MGST1: variants seen among roughly 807,000 people sequenced by gnomAD.
MGST1 encodes the protein microsomal glutathione S-transferase 1.
Under a neutral mutation model 8.9 loss-of-function variants are expected in MGST1, and 5 were observed. That is an observed-to-expected ratio of 0.56 (90% CI 0.29 to 1.19). The LOEUF (loss-of-function observed/expected upper bound fraction) is 1.19. MGST1 is among the 50% of genes most tolerant of loss of function. The pLI, the probability that MGST1 is intolerant of heterozygous loss-of-function variation, is 0.08. For synonymous variants in MGST1, 54 were observed against 67.8 expected (o/e 0.80, Z 1.00); for missense variants, 182 against 187.4 (o/e 0.97, Z 0.17).
intron 1 of MGST1, chr12:16,400,480 G>A (rs917876026): frequency 2.5e-6 from 2 of 798,566 alleles, no homozygotes; most frequent in East Asian, 4.9e-5. Flanking sequence ...GATCACCAGT[G>A]AGTCTTGTTT....
At chr12:16,505,907 A>G (rs998311065) in intron 4 of MGST1, among the ~76,000 whole-genome samples, 2 of 152,242 alleles carry the variant, frequency 1.3e-5, no homozygotes, top group Non-Finnish European at 2.9e-5. Flanking sequence ...TCCTAGAGGC[A>G]GCTCCCACTC....
chr12:16,404,512 CTATT>C (rs2137066145), intron 1 of MGST1, among the ~76,000 whole-genome samples: 1 of 151,772 alleles, frequency 6.6e-6, no homozygotes, highest in South Asian at 2.1e-4. Context: ...TCTTTTTTCT[CTATT>C]AGTATAGAAA....
intron 4 of MGST1, among the ~76,000 whole-genome samples, chr12:16,526,711 C>G (rs1464809602): frequency 6.6e-6 from 1 of 151,822 alleles, no homozygotes; most frequent in Non-Finnish European, 1.5e-5. Flanking sequence ...AAAACCAGGT[C>G]TTGGGATTTA....
chr12:16,347,332 C>T (rs1304964727), upstream of MGST1: 2 of 152,154 alleles, frequency 1.3e-5, no homozygotes, highest in Admixed American at 1.3e-4. The surrounding 1 kb of genome is among the most constrained non-coding windows in gnomAD (Gnocchi z 4.0). Flanking sequence ...TAACTTTCTG[C>T]GAAGTTTTTA....
chr12:16,448,796 C>G (rs1814448568), intron 4 of MGST1, among the ~76,000 whole-genome samples: 1 of 151,886 alleles, frequency 6.6e-6, no homozygotes, highest in Non-Finnish European at 1.5e-5. Context: ...CTATCCTTAT[C>G]CTGCAAATGC....
chr12:16,519,732 A>C (rs1164594329), intron 4 of MGST1, among the ~76,000 whole-genome samples: 1 of 151,950 alleles, frequency 6.6e-6, no homozygotes, highest in Non-Finnish European at 1.5e-5. Context: ...CATACCTCTT[A>C]AGTCTTATGT....
downstream of MGST1, among the ~76,000 whole-genome samples, chr12:16,366,750 C>T (rs912876823): frequency 6.6e-5 from 10 of 151,998 alleles, no homozygotes; most frequent in African/African-American, 2.4e-4. The surrounding 1 kb of genome is among the most constrained non-coding windows in gnomAD (Gnocchi z 4.0). Context: ...TCAAACACCA[C>T]CATCTCCCTT....
intron 1 of MGST1, chr12:16,400,614 A>T (rs752118728): frequency 3.3e-6 from 4 of 1,220,010 alleles, no homozygotes; most frequent in Non-Finnish European, 4.9e-6. Context: ...CGGTCATCGT[A>T]TGACGCTTGG....
chr12:16,588,233 A>G (rs1943381573), intron 4 of MGST1, among the ~76,000 whole-genome samples: 1 of 151,962 alleles, frequency 6.6e-6, no homozygotes. Flanking sequence ...TAAAGTATTT[A>G]CAATTTATAA....
chr12:16,451,606 G>A (rs143601176), intron 4 of MGST1, among the ~76,000 whole-genome samples: 2,461 of 151,706 alleles, frequency 0.016, 68 homozygotes, highest in African/African-American at 0.056. Flanking sequence ...AAGAAAACCT[G>A]TAAAAAACAA....
At chr12:16,360,256 T>C (rs4149198) in intron 3 of MGST1, 541,500 of 816,478 alleles carry the variant, frequency 0.66, 182,573 homozygotes, top group Non-Finnish European at 0.69. Flanking sequence ...TCCCTTTCCA[T>C]TTTTAAGTTA....
chr12:16,375,689 G>A lies in MGST1; in HGVS notation c.222-433G>A, dbSNP rs139193771. 1.3e-3 allele frequency among the ~76,000 whole-genome samples: 201 copies of A among 151,992 alleles called. 2 individuals are homozygous for A. The East Asian group carries it at 0.03, about 23-fold the overall frequency. On this transcript the variant is annotated intron_variant, in intron 3 of 3. Coordinates refer to the MGST1 transcript ENST00000535309. ...AAGATACACATACAAAATCAAATAC[G>A]TAGAAACTCTGTACTACTGAATTTG...
intron 2 of MGST1, chr12:16,354,676 A>T (rs907881438): frequency 5.2e-6 from 1 of 193,714 alleles, no homozygotes; most frequent in Non-Finnish European, 1.0e-5. Flanking sequence ...TCATTTTGGA[A>T]TTAATTTTGC....
intron 1 of MGST1, chr12:16,399,181 A>T: frequency 1.6e-6 from 2 of 1,269,924 alleles, no homozygotes; most frequent in Non-Finnish European, 2.2e-6. Flanking sequence ...AAAACTTCAA[A>T]TGAAAACAAA....
chr12:16,369,117 AAGCAGTGT>A (rs1940244586), downstream of MGST1, among the ~76,000 whole-genome samples: 1 of 152,144 alleles, frequency 6.6e-6, no homozygotes. The surrounding 1 kb of genome is among the most constrained non-coding windows in gnomAD (Gnocchi z 4.8). Flanking sequence ...TGAAGGACTG[AAGCAGTGT>A]GGTATAGTGA....
At chr12:16,475,504 C>T (rs1468045636) in intron 4 of MGST1, among the ~76,000 whole-genome samples, 4 of 152,180 alleles carry the variant, frequency 2.6e-5, no homozygotes, top group Admixed American at 6.5e-5. Context: ...TCTTTGTTAA[C>T]GGCAATACCA....
Position 16,586,407 on chromosome 12 carries a change from C to T in MGST1, n.483-3121C>T, listed in dbSNP as rs1293142580. On this transcript the variant is annotated intron_variant and non_coding_transcript_variant, in intron 4 of 4. Transcript: ENST00000538857. The surrounding 1 kb of genome is among the most constrained non-coding windows in gnomAD (Gnocchi z 4.3). ...GAGAGCGGAGGATCCTAATCTTCCC[C>T]AGCAAGGCTTTCTGGTTCTCCTCCA... 6.6e-6 allele frequency among the ~76,000 whole-genome samples: 1 copy of T among 152,158 alleles called. No homozygotes were observed. The highest frequency in any genetic ancestry group is 1.5e-5 in the Non-Finnish European group (1 of 68,034).
rs1256127762 is a variant in MGST1 at position 16,544,196 on chromosome 12, T to C, written n.483-45332T>C. 6.7e-6 allele frequency among the ~76,000 whole-genome samples: 1 copy of C among 148,620 alleles called. No individual in the cohort carries two copies. The highest frequency in any genetic ancestry group is 1.5e-5 in the Non-Finnish European group (1 of 67,416). Reference sequence around the variant, plus strand: ...GGTATTGTCTTTCAAAACAAACTTTTTAAATTGACACCTTAAGTAAGAACT... The same window carrying C: ...GGTATTGTCTTTCAAAACAAACTTTCTAAATTGACACCTTAAGTAAGAACT... On this transcript the variant is annotated intron_variant and non_coding_transcript_variant, in intron 4 of 4. Coordinates refer to the MGST1 transcript ENST00000538857. The surrounding 1 kb of genome is among the most constrained non-coding windows in gnomAD (Gnocchi z 4.8).
Position 16,560,278 on chromosome 12 carries a change from G to A in MGST1, n.483-29250G>A. The A allele has an allele frequency of 1.1e-6, 1 of 923,478 alleles. No individual in the cohort carries two copies. The highest frequency in any genetic ancestry group is 1.6e-6 in the Non-Finnish European group (1 of 636,590). The allele number at this position is 923,478 out of a possible 1,614,324, so 57.2% of individuals were successfully genotyped here. A position where few individuals can be genotyped will look rare whatever the true frequency, so the allele number is the denominator to read the frequency against. ...TCCTTAGTAGCTTGTCTCTGGCATG[G>A]GATTAAAGTTTACAGAACAGAAAAA... On this transcript the variant is annotated intron_variant and non_coding_transcript_variant, in intron 4 of 4. Coordinates refer to the MGST1 transcript ENST00000538857. This position sits in a 1 kb window ranked among gnomAD's most constrained non-coding sequence, Gnocchi z 5.0.
Sources: gnomAD v4.1 joint callset for allele counts (sites outside exome capture counted in the v4.1 genomes callset) on GRCh38, gnomAD v4.1.1 for gene constraint, Gnocchi (gnomAD v3.1) non-coding constraint, MANE v1.5 for transcripts, NCBI Gene and HGNC (gene_info 2026-07-23, HGNC 2026-07-21) for gene names.